The following LYST variants were observed in gnomAD, a reference collection of about 807,000 sequenced individuals.
The protein encoded by LYST is lysosomal-trafficking regulator.
A neutral mutation model predicts 413.6 loss-of-function variants in LYST; 192 were observed. The ratio of observed to expected loss-of-function variants is 0.46; its 90% CI spans 0.41 to 0.52. The LOEUF is 0.52. Ranked by LOEUF, LYST falls within the 20% of genes least tolerant of loss-of-function variation. The pLI is 0.00. For missense variants in LYST, 3,815 were observed against 4,499.9 expected, an observed-to-expected ratio of 0.85 and a Z score of 4.35; for synonymous variants, 1,525 against 1,567.3, an observed-to-expected ratio of 0.97 and a Z score of 0.64.
intron 1 of LYST, among the ~76,000 whole-genome samples, chr1:235,881,604 ATATAT>A (rs563607353): frequency 1.1e-4 from 17 of 152,332 alleles, no homozygotes; most frequent in Non-Finnish European, 2.4e-4. Flanking sequence ...AGAAAATGTG[ATATAT>A]TATATATATC....
chr1:235,861,557 A>G (rs1679870259), intron 1 of LYST, among the ~76,000 whole-genome samples: 1 of 152,232 alleles, frequency 6.6e-6, no homozygotes, highest in South Asian at 2.1e-4. Context: ...CATTTTTAAG[A>G]TATATTTAGG....
chr1:235,804,617 G>A lies in LYST; in HGVS notation c.3442C>T (p.Gln1148Ter). 1 of 1,610,278 alleles carries A rather than the reference G, an allele frequency of 6.2e-7. No homozygotes were observed. Among genetic ancestry groups the A allele is most frequent in the East Asian group, 2.2e-5 (1 of 44,844 alleles). ...ILFEMRDHLS[Q>*]SKVIETQLAK... is the part of the protein sequence containing the mutation. ...AGTTGTGTTTCAATCACCTTTGACT[G>A]GGAAAGATGGTCCCTCATTTCAAAT... The change falls in exon 7 of 53, where the codon CAG (glutamine) becomes TAG (stop). Residue 1148 changes from glutamine to a stop codon, truncating the protein, a stop_gained. Transcript: ENST00000389793. LOFTEE classifies it high-confidence loss of function.
Position 235,720,737 on chromosome 1 carries a change from G to A in LYST, c.9484C>T (p.Gln3162Ter), listed in dbSNP as rs1417312357. 1 of 1,613,804 alleles carries A rather than the reference G, an allele frequency of 6.2e-7. No homozygotes were observed. Among genetic ancestry groups the A allele is most frequent in the Non-Finnish European group, 8.5e-7 (1 of 1,179,698 alleles). Residue 3162 changes from glutamine to a stop codon, truncating the protein, a stop_gained, in exon 40 of 53, where the codon CAG (glutamine) becomes TAG (stop). Transcript: ENST00000389793. LOFTEE classifies it high-confidence loss of function. ...HAGRSFNDLM[Q>*]YPVFPFILAD... ...AGTATAAATGGGAACACAGGATACT[G>A]CATGAGATCATTGAAGGATCGGCCA...
intron 10 of LYST, among the ~76,000 whole-genome samples, chr1:235,799,378 A>G (rs991489535): frequency 3.9e-5 from 6 of 152,226 alleles, no homozygotes; most frequent in African/African-American, 1.4e-4. Flanking sequence ...TAAAGGGAAA[A>G]TAGTAACTTT....
intron 2 of LYST, among the ~76,000 whole-genome samples, chr1:235,832,036 T>C (rs1676046638): frequency 6.6e-6 from 1 of 152,230 alleles, no homozygotes. Context: ...TTAAGAGTAC[T>C]GCAGTATCGT....
intron 14 of LYST, among the ~76,000 whole-genome samples, chr1:235,785,369 G>C (rs1210064654): frequency 6.6e-6 from 1 of 152,150 alleles, no homozygotes; most frequent in Non-Finnish European, 1.5e-5. Flanking sequence ...GTGAACTCCA[G>C]GAAGGCAGGG....
intron 1 of LYST, among the ~76,000 whole-genome samples, chr1:235,860,800 T>G (rs906410820): frequency 6.6e-6 from 1 of 152,178 alleles, no homozygotes; most frequent in African/African-American, 2.4e-5. Flanking sequence ...ACATATCTAG[T>G]ATCCCCTGAA....
intron 14 of LYST, among the ~76,000 whole-genome samples, chr1:235,783,425 T>C (rs1010306419): frequency 5.3e-5 from 8 of 152,106 alleles, no homozygotes; most frequent in Non-Finnish European, 1.0e-4. Flanking sequence ...AAAATAGTTT[T>C]TCAATGAGAA....
chr1:235,765,465 T>C (rs185125017), intron 21 of LYST, among the ~76,000 whole-genome samples: 3 of 152,220 alleles, frequency 2.0e-5, no homozygotes, highest in African/African-American at 7.2e-5. Context: ...ATAACTAGAA[T>C]ACAAGTTCGA....
At chr1:235,673,957 C>A (rs1004231454) in intron 50 of LYST, among the ~76,000 whole-genome samples, 1 of 152,140 alleles carries the variant, frequency 6.6e-6, no homozygotes, top group African/African-American at 2.4e-5. Flanking sequence ...AGAGCAGAGA[C>A]CCAAATCGTC....
chr1:235,852,687 GA>G (rs1678680227), intron 1 of LYST, among the ~76,000 whole-genome samples: 1 of 152,088 alleles, frequency 6.6e-6, no homozygotes, highest in Non-Finnish European at 1.5e-5. Flanking sequence ...GACAATAAAG[GA>G]AAACTGCCAG....
rs185312607 is a variant in LYST at position 235,823,073 on chromosome 1, C to A, written c.192+7153G>T. Reference sequence around the variant, plus strand: ...TGAGCAAAGAAATCATTGTTTTATGCCACTAAGTTTTGGAACATGGTCTGT... The same window carrying A: ...TGAGCAAAGAAATCATTGTTTTATGACACTAAGTTTTGGAACATGGTCTGT... On this transcript the variant is annotated intron_variant, in intron 3 of 52. Coordinates refer to ENST00000389793, the MANE Select transcript of LYST (RefSeq NM_000081.4). Among the ~76,000 whole-genome samples, 345 of 152,282 alleles carry A rather than the reference C, an allele frequency of 2.3e-3. 1 individual carries two copies. The highest frequency in any genetic ancestry group is 7.9e-3 in the African/African-American group (329 of 41,550).
intron 31 of LYST, chr1:235,736,469 T>C (rs1047638023): frequency 6.6e-6 from 1 of 151,948 alleles, no homozygotes; most frequent in African/African-American, 2.4e-5. Flanking sequence ...ACAATATGAA[T>C]AAAACAGCAT....
intron 1 of LYST, among the ~76,000 whole-genome samples, chr1:235,864,167 C>A (rs966946781): frequency 6.6e-6 from 1 of 152,088 alleles, no homozygotes; most frequent in African/African-American, 2.4e-5. Flanking sequence ...ATGCTGTATT[C>A]GGAGTTGAGC....
chr1:235,753,213 G>A lies in LYST; in HGVS notation c.7291C>T (p.Leu2431=), dbSNP rs1666676723. The A allele has an allele frequency of 6.2e-7, 1 of 1,610,992 alleles. No individual in the cohort carries two copies. The highest frequency in any genetic ancestry group is 1.3e-5 in the African/African-American group (1 of 74,950). ...TATAGAGAGGTCTCTATTAGTCCCA[G>A]AATAGGAATGACAGACCACTTCTGA... The part of the protein sequence containing the change: ...LFQKWSVIPI[L]GLIETSLYDN... The change falls in exon 26 of 53, where the codon CTG becomes TTG. Residue 2431 remains leucine (L), a synonymous_variant. Transcript: ENST00000389793.
In LYST at chr1:235,697,817, C is replaced by T. The variant is rs570623977; in HGVS notation, c.10375-545G>A. ...AAGTGTTTATCTATGGAACATATTG[C>T]GAGGATTAGAGAATCTCTAGCCAGT... On this transcript the variant is annotated intron_variant, in intron 45 of 52. Coordinates refer to ENST00000389793, the MANE Select transcript of LYST (RefSeq NM_000081.4). Among the ~76,000 whole-genome samples the T allele has an allele frequency of 9.2e-5, 14 of 151,962 alleles. No individual in the cohort carries two copies. In the South Asian group the frequency reaches 2.3e-3, roughly 25 times the overall value.
intron 45 of LYST, 98 bp downstream of exon 45, chr1:235,702,649 T>C (rs1661637115): frequency 9.8e-7 from 1 of 1,016,154 alleles, no homozygotes; most frequent in African/African-American, 1.6e-5. Context: ...CACACAGCTT[T>C]AGGCCAGGAC....
intron 50 of LYST, among the ~76,000 whole-genome samples, chr1:235,667,665 T>C (rs115464470): frequency 0.025 from 3,726 of 152,080 alleles, 149 homozygotes; most frequent in African/African-American, 0.085. Flanking sequence ...TCCTCCTGTA[T>C]TCTTTTTTTT....
chr1:235,735,355 A>G (rs145895529), intron 31 of LYST: 5 of 152,160 alleles, frequency 3.3e-5, no homozygotes, highest in Non-Finnish European at 5.9e-5. Context: ...AAACTCGCAA[A>G]CCCCACGCAG....
Sources: gnomAD v4.1 joint callset for allele counts (sites outside exome capture counted in the v4.1 genomes callset) on GRCh38, gnomAD v4.1.1 for gene constraint, MANE v1.5 for transcripts, NCBI Gene and HGNC (gene_info 2026-07-23, HGNC 2026-07-21) for gene names.